The following SIPA1L1 variants were observed in gnomAD, a reference collection of about 807,000 sequenced individuals.
The protein encoded by SIPA1L1 is signal induced proliferation associated 1 like 1, also known as signal-induced proliferation-associated 1-like protein 1.
Under a neutral mutation model 162.7 loss-of-function variants are expected in SIPA1L1, and 26 were observed. The observed-to-expected ratio is 0.16, with a 90% confidence interval of 0.12 to 0.22. The LOEUF (loss-of-function observed/expected upper bound fraction) is 0.22. SIPA1L1 is among the 10% of genes least tolerant of loss of function. The pLI, the probability that SIPA1L1 is intolerant of heterozygous loss-of-function variation, is 1.00. For missense variants in SIPA1L1, 1,874 were observed against 2,241.0 expected, an observed-to-expected ratio of 0.84 and a Z score of 3.31; for synonymous variants, 829 against 837.4, an observed-to-expected ratio of 0.99 and a Z score of 0.17.
rs2034968549 is a variant in SIPA1L1 at position 71,589,317 on chromosome 14, T to G, written c.1445T>G (p.Val482Gly). 6.2e-7 allele frequency: 1 copy of G among 1,613,808 alleles called. No individual in the cohort carries two copies. The highest frequency in any genetic ancestry group is 1.3e-5 in the African/African-American group (1 of 74,942). Residue 482 changes from valine (V) to glycine (G), a missense_variant, in exon 5 of 24, where the codon GTG becomes GGG. By Grantham distance (109) the Val-to-Gly change is moderately radical (BLOSUM62 -3). Coordinates refer to ENST00000381232, the MANE Select transcript of SIPA1L1 (RefSeq NM_001386936.1). Reference protein sequence around the residue: ...LHLDRVKRYIVEHVDLGAYYY... With the variant: ...LHLDRVKRYIGEHVDLGAYYY... ...CTAGATAGAGTGAAAAGATACATCG[T>G]GGAACACGTAGATCTGGGTGCATAC...
chr14:71,429,596 T>TC (rs1433249308), intron 2 of SIPA1L1, among the ~76,000 whole-genome samples: 1 of 152,188 alleles, frequency 6.6e-6, no homozygotes, highest in Non-Finnish European at 1.5e-5. Flanking sequence ...AACATCCTTG[T>TC]CCTTGGCTCT....
chr14:71,499,498 A>G (rs2050036956), intron 2 of SIPA1L1, among the ~76,000 whole-genome samples: 2 of 152,168 alleles, frequency 1.3e-5, no homozygotes, highest in South Asian at 4.1e-4. Context: ...CTGTCAAGCA[A>G]GTTCTTGTTT....
At chr14:71,543,702 T>A (rs554949164) in intron 4 of SIPA1L1, among the ~76,000 whole-genome samples, 209 of 136,636 alleles carry the variant, frequency 1.5e-3, no homozygotes, top group Non-Finnish European at 2.7e-3. Flanking sequence ...AACTTTTTTC[T>A]TTTTTTTTTT....
intron 13 of SIPA1L1, among the ~76,000 whole-genome samples, chr14:71,687,931 C>T (rs2080988271): frequency 6.6e-6 from 1 of 152,150 alleles, no homozygotes; most frequent in South Asian, 2.1e-4. Context: ...GGTATATATT[C>T]AGTACACTAG....
intron 2 of SIPA1L1, among the ~76,000 whole-genome samples, chr14:71,450,536 T>C (rs1054362456): frequency 1.3e-5 from 2 of 152,358 alleles, no homozygotes; most frequent in South Asian, 4.1e-4. Context: ...TACAGACTTT[T>C]AATTTATGGC....
At chr14:71,724,572 C>T in intron 18 of SIPA1L1, 98 bp from the exon 19 acceptor site, 6 of 893,544 alleles carry the variant, frequency 6.7e-6, no homozygotes, top group Non-Finnish European at 1.0e-5. Context: ...TAATATTTCT[C>T]TATTGACTTA....
In SIPA1L1 at chr14:71,554,759, T is replaced by C. The variant is rs945897459; in HGVS notation, c.-303+25389T>C. Among the ~76,000 whole-genome samples the C allele has an allele frequency of 2.0e-4, 30 of 152,330 alleles. No homozygotes were observed. In the East Asian group the frequency reaches 5.6e-3, roughly 28 times the overall value. On this transcript the variant is annotated intron_variant, in intron 4 of 23. Coordinates refer to ENST00000381232, the MANE Select transcript of SIPA1L1 (RefSeq NM_001386936.1). ...ACACTTTTTATAATATTTATTGCTA[T>C]AAACATAGTTTGGGAGCATTTAGGT...
At chr14:71,394,702 A>G (rs1285713899) in intron 2 of SIPA1L1, among the ~76,000 whole-genome samples, 3 of 152,244 alleles carry the variant, frequency 2.0e-5, no homozygotes, top group African/African-American at 4.8e-5. Context: ...GTGGATTCCT[A>G]TTGCAAAAAA....
chr14:71,545,595 G>A (rs2055117234), intron 4 of SIPA1L1, among the ~76,000 whole-genome samples: 1 of 152,090 alleles, frequency 6.6e-6, no homozygotes, highest in East Asian at 1.9e-4. Context: ...GTGTGTGTGT[G>A]TGTGTGTAGT....
At chr14:71,612,351 A>G (rs2148350200) in intron 5 of SIPA1L1, among the ~76,000 whole-genome samples, 1 of 152,206 alleles carries the variant, frequency 6.6e-6, no homozygotes, top group Middle Eastern at 3.4e-3. Context: ...TATTTCAGAA[A>G]CATTGTTTTT....
chr14:71,498,270 T>G (rs1333459951), intron 2 of SIPA1L1, among the ~76,000 whole-genome samples: 1 of 152,230 alleles, frequency 6.6e-6, no homozygotes, highest in Non-Finnish European at 1.5e-5. Flanking sequence ...CATATGGGTT[T>G]GAAATTACAG....
chr14:71,661,502 T>TC (rs768585866), intron 10 of SIPA1L1, 35 bp downstream of exon 10: 1 of 1,597,414 alleles, frequency 6.3e-7, no homozygotes, highest in Non-Finnish European at 8.6e-7. Flanking sequence ...GCTCTGTGGA[T>TC]GTTGGCTGGT....
intron 17 of SIPA1L1, among the ~76,000 whole-genome samples, chr14:71,714,160 C>T (rs926559187): frequency 5.3e-5 from 8 of 152,130 alleles, no homozygotes; most frequent in Admixed American, 3.9e-4. Context: ...TGGCAGAACT[C>T]CAGGTGATTT....
At chr14:71,458,762 C>T (rs1019210044) in intron 2 of SIPA1L1, among the ~76,000 whole-genome samples, 7 of 151,976 alleles carry the variant, frequency 4.6e-5, no homozygotes, top group African/African-American at 9.7e-5. Context: ...ATTTCACTAC[C>T]GGTGTCTGAG....
At chr14:71,736,869 A>G (rs990703165) in intron 22 of SIPA1L1, among the ~76,000 whole-genome samples, 6 of 152,248 alleles carry the variant, frequency 3.9e-5, no homozygotes, top group African/African-American at 1.4e-4. Flanking sequence ...GTGAATAGAC[A>G]GAATGCTCCT....
At chr14:71,349,334 T>A (rs370672226) in intron 2 of SIPA1L1, among the ~76,000 whole-genome samples, 1 of 152,198 alleles carries the variant, frequency 6.6e-6, no homozygotes, top group African/African-American at 2.4e-5. Flanking sequence ...AAGGGTCTTA[T>A]GATCTATTTT....
chr14:71,605,532 G>A (rs1056461683), intron 5 of SIPA1L1, among the ~76,000 whole-genome samples: 1 of 152,128 alleles, frequency 6.6e-6, no homozygotes, highest in Non-Finnish European at 1.5e-5. Flanking sequence ...CTTTCATGGG[G>A]ACGGACTTTT....
chr14:71,657,703 G>A (rs2043186323), intron 8 of SIPA1L1, among the ~76,000 whole-genome samples: 1 of 149,308 alleles, frequency 6.7e-6, no homozygotes, highest in South Asian at 2.1e-4. Context: ...AACAAAACAA[G>A]TCTCTTGCTT....
intron 3 of SIPA1L1, among the ~76,000 whole-genome samples, chr14:71,514,336 T>C (rs928093072): frequency 7.9e-5 from 12 of 152,320 alleles, no homozygotes; most frequent in Middle Eastern, 6.8e-3. Context: ...GCAGTGTGTT[T>C]ACTGGAGTTG....
Sources: gnomAD v4.1 joint callset for allele counts (sites outside exome capture counted in the v4.1 genomes callset) on GRCh38, gnomAD v4.1.1 for gene constraint, MANE v1.5 for transcripts, NCBI Gene and HGNC (gene_info 2026-07-23, HGNC 2026-07-21) for gene names.